The following MDGA2 variants were observed in gnomAD, a reference collection of about 807,000 sequenced individuals.
The protein encoded by MDGA2 is MAM domain containing glycosylphosphatidylinositol anchor 2.
In MDGA2, 40 loss-of-function variants were observed where a neutral mutation model predicts 117.8. The ratio of observed to expected loss-of-function variants is 0.34; its 90% CI spans 0.26 to 0.44. The LOEUF is 0.44. Among genes scored for constraint, MDGA2 ranks in the 20% least tolerant of loss-of-function variants. The pLI is 1.00. For synonymous variants in MDGA2, 452 were observed against 439.0 expected (o/e 1.03, Z -0.37); for missense variants, 1,123 against 1,250.6 (o/e 0.90, Z 1.54).
chr14:47,665,742 T>C (rs2138303387), intron 1 of MDGA2, among the ~76,000 whole-genome samples: 1 of 135,252 alleles, frequency 7.4e-6, no homozygotes, highest in East Asian at 1.9e-4. Context: ...ACTTGATTTC[T>C]TGTCCAGCCT....
At chr14:47,182,502 C>A (rs575809907) in intron 3 of MDGA2, among the ~76,000 whole-genome samples, 33 of 152,168 alleles carry the variant, frequency 2.2e-4, no homozygotes, top group African/African-American at 8.0e-4. Context: ...GAAGAGGACA[C>A]AGAAAGAAGC....
chr14:46,919,898 A>C, intron 10 of MDGA2, 114 bp downstream of exon 10: 1 of 882,692 alleles, frequency 1.1e-6, no homozygotes, highest in Non-Finnish European at 1.6e-6. Flanking sequence ...ATATACAGAA[A>C]CACATATACA....
intron 1 of MDGA2, among the ~76,000 whole-genome samples, chr14:47,669,142 T>A (rs1898029825): frequency 6.6e-6 from 1 of 152,210 alleles, no homozygotes; most frequent in South Asian, 2.1e-4. Flanking sequence ...ACAGAGCACA[T>A]CCTTGCAGAA....
intron 1 of MDGA2, among the ~76,000 whole-genome samples, chr14:47,546,934 G>A (rs1242924180): frequency 6.6e-6 from 1 of 152,164 alleles, no homozygotes; most frequent in Non-Finnish European, 1.5e-5. Flanking sequence ...ATGAATTAAT[G>A]TTAAAGCTGT....
intron 1 of MDGA2, among the ~76,000 whole-genome samples, chr14:47,462,453 G>T (rs566572806): frequency 6.6e-6 from 1 of 152,138 alleles, no homozygotes; most frequent in East Asian, 1.9e-4. Flanking sequence ...GCCCACAAAG[G>T]TTGGTAACTA....
intron 4 of MDGA2, among the ~76,000 whole-genome samples, chr14:47,137,246 T>C (rs1438334043): frequency 1.3e-5 from 2 of 152,186 alleles, no homozygotes; most frequent in East Asian, 3.9e-4. Flanking sequence ...TACAATGGTA[T>C]GCACATCCAT....
intron 1 of MDGA2, among the ~76,000 whole-genome samples, chr14:47,398,933 C>T (rs1036876789): frequency 6.6e-6 from 1 of 152,084 alleles, no homozygotes; most frequent in Non-Finnish European, 1.5e-5. Flanking sequence ...TTGATATATA[C>T]ACAACTGTAT....
chr14:47,322,192 T>C (rs1404066540), intron 1 of MDGA2, among the ~76,000 whole-genome samples: 2 of 152,196 alleles, frequency 1.3e-5, no homozygotes, highest in Admixed American at 1.3e-4. Context: ...ACATGGGCCA[T>C]ATGTCACAGA....
chr14:46,929,665 T>TTTC (rs1884489965), intron 9 of MDGA2, among the ~76,000 whole-genome samples: 1 of 93,542 alleles, frequency 1.1e-5, no homozygotes, highest in East Asian at 2.6e-4. Flanking sequence ...TTTTTTTTTT[T>TTTC]TTCGAGATGG....
intron 2 of MDGA2, among the ~76,000 whole-genome samples, chr14:47,218,595 T>C (rs1286470043): frequency 6.6e-6 from 1 of 152,168 alleles, no homozygotes; most frequent in South Asian, 2.1e-4. Flanking sequence ...CCAAGTAGGT[T>C]CTCATTTTAT....
chr14:47,423,432 T>C (rs1462062344), intron 1 of MDGA2, among the ~76,000 whole-genome samples: 2 of 152,136 alleles, frequency 1.3e-5, no homozygotes, highest in Non-Finnish European at 2.9e-5. Context: ...TTCACCTAAT[T>C]TAATCATCAG....
intron 1 of MDGA2, among the ~76,000 whole-genome samples, chr14:47,448,677 A>C (rs1955792): frequency 0.68 from 103,044 of 151,958 alleles, 35,439 homozygotes; most frequent in African/African-American, 0.79. Context: ...GCTTTATAAA[A>C]CAGTAATAGT....
At chr14:46,939,110 G>T (rs1804642344) in intron 9 of MDGA2, among the ~76,000 whole-genome samples, 1 of 150,874 alleles carries the variant, frequency 6.6e-6, no homozygotes, top group Admixed American at 6.6e-5. Context: ...AGAGCCTGGT[G>T]GGGGGGTAGT....
chr14:47,271,776 T>C (rs898828419), intron 2 of MDGA2, among the ~76,000 whole-genome samples: 3 of 152,212 alleles, frequency 2.0e-5, no homozygotes, highest in African/African-American at 7.2e-5. Context: ...TTATAAATAA[T>C]TTCTCAAATA....
At chr14:47,150,306 C>CAGAAT (rs1883112401) in intron 3 of MDGA2, among the ~76,000 whole-genome samples, 1 of 152,180 alleles carries the variant, frequency 6.6e-6, no homozygotes, top group African/African-American at 2.4e-5. Flanking sequence ...TTCTGTTATA[C>CAGAAT]TTTTAAATAA....
intron 1 of MDGA2, among the ~76,000 whole-genome samples, chr14:47,442,981 G>A (rs1893044759): frequency 6.6e-6 from 1 of 152,060 alleles, no homozygotes; most frequent in African/African-American, 2.4e-5. Flanking sequence ...GACTGTCACT[G>A]AATTGCCGTT....
chr14:47,503,741 C>T (rs1894452357), intron 1 of MDGA2, among the ~76,000 whole-genome samples: 1 of 152,126 alleles, frequency 6.6e-6, no homozygotes, highest in South Asian at 2.1e-4. Flanking sequence ...CTTCTTATCC[C>T]TTTATTTTGT....
chr14:46,958,558 C>T (rs1207602141), intron 8 of MDGA2, among the ~76,000 whole-genome samples: 2 of 152,154 alleles, frequency 1.3e-5, no homozygotes, highest in Non-Finnish European at 2.9e-5. Flanking sequence ...AATTAAATCA[C>T]TGGTGAAAGC....
At chr14:47,518,852 T>C (rs781089568) in intron 1 of MDGA2, among the ~76,000 whole-genome samples, 1 of 152,214 alleles carries the variant, frequency 6.6e-6, no homozygotes, top group East Asian at 1.9e-4. Context: ...TAATTTTTAC[T>C]GTTTTCATTT....
Sources: gnomAD v4.1 joint callset for allele counts (sites outside exome capture counted in the v4.1 genomes callset) on GRCh38, gnomAD v4.1.1 for gene constraint, MANE v1.5 for transcripts, NCBI Gene and HGNC (gene_info 2026-07-23, HGNC 2026-07-21) for gene names.